The following UNC5A variants were observed in gnomAD, a reference collection of about 807,000 sequenced individuals.
UNC5A encodes netrin receptor UNC5A.
Under a neutral mutation model 87.4 loss-of-function variants are expected in UNC5A, and 20 were observed. The observed-to-expected ratio is 0.23, with a 90% confidence interval of 0.16 to 0.33. UNC5A has a LOEUF of 0.33. Ranked by LOEUF, UNC5A falls within the 10% of genes least tolerant of loss-of-function variation. The pLI is 1.00. For missense variants in UNC5A, 844 were observed against 1,133.4 expected (o/e 0.74, Z 3.67); for synonymous variants, 438 against 482.3 (o/e 0.91, Z 1.20).
intron 1 of UNC5A, among the ~76,000 whole-genome samples, chr5:176,837,160 A>G (rs1435587175): frequency 6.6e-6 from 1 of 151,424 alleles, no homozygotes; most frequent in Non-Finnish European, 1.5e-5. Flanking sequence ...TTTAAACTCC[A>G]TGCTGTGGAG....
At chr5:176,867,076 C>T (rs893522378) in intron 2 of UNC5A, among the ~76,000 whole-genome samples, 6 of 152,202 alleles carry the variant, frequency 3.9e-5, no homozygotes, top group African/African-American at 1.2e-4. Flanking sequence ...CCGCTCTTCC[C>T]GCAATGCAGC....
intron 1 of UNC5A, among the ~76,000 whole-genome samples, chr5:176,828,541 G>A (rs1458672175): frequency 6.6e-6 from 1 of 152,158 alleles, no homozygotes; most frequent in Non-Finnish European, 1.5e-5. Context: ...TGGCTTCCCT[G>A]GGTTGTTTGG....
At chr5:176,864,804 TC>T (rs1458925252) in intron 2 of UNC5A, 1 of 455,744 alleles carries the variant, frequency 2.2e-6, no homozygotes, top group Non-Finnish European at 4.4e-6. Flanking sequence ...CAGCTCTACC[TC>T]CTACCCTCAG....
At chr5:176,820,672 G>GTCATCTGC (rs1756706061) in intron 1 of UNC5A, among the ~76,000 whole-genome samples, 1 of 152,148 alleles carries the variant, frequency 6.6e-6, no homozygotes, top group Non-Finnish European at 1.5e-5. Flanking sequence ...CCTTCCTTTG[G>GTCATCTGC]TCATCTGCAG....
chr5:176,852,189 G>A (rs1426800344), intron 1 of UNC5A, among the ~76,000 whole-genome samples: 1 of 152,134 alleles, frequency 6.6e-6, no homozygotes, highest in Non-Finnish European at 1.5e-5. Context: ...CTGCTTGTGA[G>A]GCAGCTGGGC....
chr5:176,811,681 G>A (rs1427322467), intron 1 of UNC5A, among the ~76,000 whole-genome samples: 2 of 152,106 alleles, frequency 1.3e-5, no homozygotes, highest in East Asian at 3.9e-4. Flanking sequence ...TGAGCTGTGG[G>A]GGCCTCCTGA....
At chr5:176,861,755 G>A (rs758130670) in intron 1 of UNC5A, among the ~76,000 whole-genome samples, 10 of 152,232 alleles carry the variant, frequency 6.6e-5, no homozygotes, top group Non-Finnish European at 1.5e-4. Flanking sequence ...GGAAACCCAG[G>A]GTTTCCCTCT....
chr5:176,842,492 G>GATATATTTATATATATATATATATAT (rs1757300250), intron 1 of UNC5A, among the ~76,000 whole-genome samples: 1 of 145,572 alleles, frequency 6.9e-6, no homozygotes, highest in African/African-American at 2.7e-5. Flanking sequence ...GAGAAACTGT[G>GATATATTTATATATATATATATATAT]ATATATATAT....
chr5:176,843,369 C>T (rs1757326222), intron 1 of UNC5A, among the ~76,000 whole-genome samples: 1 of 151,970 alleles, frequency 6.6e-6, no homozygotes, highest in Non-Finnish European at 1.5e-5. Context: ...ACACGAAGGA[C>T]TCCATTCTGC....
At chr5:176,876,164 T>A (rs1449429636) in intron 8 of UNC5A, among the ~76,000 whole-genome samples, 2 of 152,226 alleles carry the variant, frequency 1.3e-5, no homozygotes, top group East Asian at 3.8e-4. Flanking sequence ...AGTTGATGAA[T>A]GAGGATGTAA....
Position 176,858,094 on chromosome 5 carries a change from C to T in UNC5A, c.71-4530C>T, listed in dbSNP as rs556741680. ...GGCAGCAGCGGTAGGCACCCCACCC[C>T]GAGGCCCCAGTTGCTAATGCCCGCA... is the stretch of plus-strand genomic sequence containing the variant. On this transcript the variant is annotated intron_variant, in intron 1 of 14. Coordinates refer to ENST00000329542, the MANE Select transcript of UNC5A (RefSeq NM_133369.3). Among the ~76,000 whole-genome samples, 11 of 152,366 alleles carry T rather than the reference C, an allele frequency of 7.2e-5. No homozygotes were observed. In the East Asian group the frequency reaches 1.2e-3, roughly 16 times the overall value.
chr5:176,817,145 C>T (rs1485093695), intron 1 of UNC5A, among the ~76,000 whole-genome samples: 2 of 152,146 alleles, frequency 1.3e-5, no homozygotes, highest in African/African-American at 4.8e-5. Flanking sequence ...GGTGGGAGCG[C>T]CAAGGGCCAG....
At chr5:176,835,828 A>G (rs1375602298) in intron 1 of UNC5A, among the ~76,000 whole-genome samples, 1 of 151,988 alleles carries the variant, frequency 6.6e-6, no homozygotes, top group African/African-American at 2.4e-5. Context: ...GTCTTAACAG[A>G]TTCATCTGGA....
chr5:176,864,999 C>A (rs1351476733), intron 2 of UNC5A: 1 of 358,590 alleles, frequency 2.8e-6, no homozygotes, highest in Non-Finnish European at 5.5e-6. Flanking sequence ...CCTCCCCTCC[C>A]TGGGCTCAGT....
chr5:176,842,990 G>T (rs945135027), intron 1 of UNC5A, among the ~76,000 whole-genome samples: 2 of 152,172 alleles, frequency 1.3e-5, no homozygotes, highest in Admixed American at 6.5e-5. Context: ...GGCAAACCCT[G>T]TCTCTACTAA....
chr5:176,861,206 G>A (rs916708341), intron 1 of UNC5A, among the ~76,000 whole-genome samples: 18 of 152,228 alleles, frequency 1.2e-4, no homozygotes, highest in Admixed American at 4.6e-4. Context: ...ACGCAGAACC[G>A]TGGGGGTACC....
chr5:176,831,839 C>A (rs1757031772), intron 1 of UNC5A, among the ~76,000 whole-genome samples: 1 of 151,184 alleles, frequency 6.6e-6, no homozygotes, highest in African/African-American at 2.5e-5. Context: ...AGGTACCAAC[C>A]TTATTTTCTC....
At chr5:176,859,082 AG>A (rs1202098701) in intron 1 of UNC5A, among the ~76,000 whole-genome samples, 4 of 150,628 alleles carry the variant, frequency 2.7e-5, no homozygotes, top group African/African-American at 1.0e-4. Flanking sequence ...TGCCCTTGCT[AG>A]AGGGCATAGC....
At chr5:176,845,446 C>T (rs75018654) in intron 1 of UNC5A, among the ~76,000 whole-genome samples, 22 of 152,382 alleles carry the variant, frequency 1.4e-4, no homozygotes, top group Non-Finnish European at 2.4e-4. Context: ...CTCTTGGCCC[C>T]TGCCCGTTCC....
Sources: allele counts gnomAD v4.1 joint callset (sites outside exome capture counted in the v4.1 genomes callset), GRCh38; gene constraint gnomAD v4.1.1; transcripts MANE v1.5; gene names NCBI Gene and HGNC (gene_info 2026-07-23, HGNC 2026-07-21).